The following GALNT7 variants were observed in gnomAD, a reference collection of about 807,000 sequenced individuals.
GALNT7 encodes the protein N-acetylgalactosaminyltransferase 7.
In GALNT7, 60 loss-of-function variants were observed where a neutral mutation model predicts 82.1. That is an observed-to-expected ratio of 0.73 (90% CI 0.59 to 0.91). GALNT7 has a LOEUF of 0.91. Among genes scored for constraint, GALNT7 ranks in the 40% least tolerant of loss-of-function variants. The pLI, the probability that GALNT7 is intolerant of heterozygous loss-of-function variation, is 0.00. For synonymous variants in GALNT7, 243 were observed against 275.1 expected (o/e 0.88, Z 1.15); for missense variants, 660 against 804.2 (o/e 0.82, Z 2.17).
At chr4:173,304,658 CAGA>C (rs1737078638) in intron 8 of GALNT7, among the ~76,000 whole-genome samples, 1 of 151,982 alleles carries the variant, frequency 6.6e-6, no homozygotes, top group South Asian at 2.1e-4. Context: ...TTGTTCCTAA[CAGA>C]AGTTTTGTGT....
chr4:173,175,116 G>T (rs116499981), intron 1 of GALNT7, among the ~76,000 whole-genome samples: 1 of 152,166 alleles, frequency 6.6e-6, no homozygotes, highest in African/African-American at 2.4e-5. Flanking sequence ...GAAGGAAAAT[G>T]ACTGTGATTA....
intron 2 of GALNT7, among the ~76,000 whole-genome samples, chr4:173,269,372 T>G (rs904408995): frequency 1.3e-5 from 2 of 152,180 alleles, no homozygotes; most frequent in African/African-American, 4.8e-5. Context: ...CCACCTCCTT[T>G]TATAGATACC....
chr4:173,222,845 A>G (rs796384617), intron 1 of GALNT7, among the ~76,000 whole-genome samples: 1 of 152,234 alleles, frequency 6.6e-6, no homozygotes, highest in Non-Finnish European at 1.5e-5. Context: ...GATGTTTTAA[A>G]TAAAATGACT....
chr4:173,181,641 G>C (rs941487818), intron 1 of GALNT7, among the ~76,000 whole-genome samples: 1 of 152,204 alleles, frequency 6.6e-6, no homozygotes, highest in African/African-American at 2.4e-5. Flanking sequence ...TGAAAGCACA[G>C]TTGTTAACTT....
chr4:173,304,347 T>C (rs551711729), intron 8 of GALNT7, among the ~76,000 whole-genome samples: 4 of 151,936 alleles, frequency 2.6e-5, no homozygotes, highest in African/African-American at 7.2e-5. Context: ...TGCAGTGAGC[T>C]ATGATTGCAC....
intron 1 of GALNT7, among the ~76,000 whole-genome samples, chr4:173,179,206 A>G (rs1732170834): frequency 1.3e-5 from 2 of 152,238 alleles, no homozygotes; most frequent in African/African-American, 4.8e-5. Flanking sequence ...TTATGTAAGT[A>G]TATCTTAAAT....
chr4:173,277,861 G>A (rs971593825), intron 2 of GALNT7, among the ~76,000 whole-genome samples: 2 of 152,142 alleles, frequency 1.3e-5, no homozygotes, highest in Non-Finnish European at 2.9e-5. Context: ...CATATTGAAA[G>A]TATTATAACT....
In GALNT7 at chr4:173,318,317, G is replaced by A. The variant is rs1737677666; in HGVS notation, c.1708-114G>A. On this transcript the variant is annotated intron_variant, in intron 10 of 11. Coordinates refer to ENST00000265000, the MANE Select transcript of GALNT7 (RefSeq NM_017423.3). ...GACTTACAGTTCTAAACAAAATTATGGAAAAATAAGTTAGTCATTCAATTT... is the reference window on the plus strand; with the variant it reads ...GACTTACAGTTCTAAACAAAATTATAGAAAAATAAGTTAGTCATTCAATTT... 8 of 754,456 alleles carry A rather than the reference G, an allele frequency of 1.1e-5. No individual in the cohort carries two copies. In the Admixed American group the frequency reaches 1.3e-4, roughly 12 times the overall value. The allele number at this position is 754,456 out of a possible 1,614,324, so 46.7% of individuals were successfully genotyped here. A position where few individuals can be genotyped will look rare whatever the true frequency, so the allele number is the denominator to read the frequency against.
At chr4:173,250,442 C>T (rs1734806398) in intron 2 of GALNT7, among the ~76,000 whole-genome samples, 1 of 152,000 alleles carries the variant, frequency 6.6e-6, no homozygotes, top group Admixed American at 6.6e-5. Flanking sequence ...GTGCCTTCCT[C>T]CCCTTCACCC....
intron 8 of GALNT7, among the ~76,000 whole-genome samples, chr4:173,311,491 A>T (rs1359431727): frequency 6.6e-6 from 1 of 152,254 alleles, no homozygotes; most frequent in Admixed American, 6.5e-5. Flanking sequence ...AAGAAAGCTC[A>T]GGAAGCTTCC....
At chr4:173,208,054 C>G (rs1012882137) in intron 1 of GALNT7, among the ~76,000 whole-genome samples, 2 of 151,574 alleles carry the variant, frequency 1.3e-5, no homozygotes, top group African/African-American at 4.9e-5. Context: ...TTTATGTGTT[C>G]CTATTGATTT....
chr4:173,274,068 T>C (rs751728629), intron 2 of GALNT7, among the ~76,000 whole-genome samples: 2 of 152,208 alleles, frequency 1.3e-5, no homozygotes, highest in Admixed American at 6.5e-5. Flanking sequence ...TATAAACATA[T>C]GGCTTACACT....
intron 8 of GALNT7, among the ~76,000 whole-genome samples, chr4:173,306,047 A>G (rs75451823): frequency 0.03 from 4,615 of 151,960 alleles, 238 homozygotes; most frequent in African/African-American, 0.11. Context: ...CTTTCCATTT[A>G]TTTTGTGTAT....
chr4:173,291,936 A>G (rs1561192254), intron 2 of GALNT7, among the ~76,000 whole-genome samples, 172 bp from the exon 3 acceptor site: 3 of 152,228 alleles, frequency 2.0e-5, no homozygotes, highest in African/African-American at 2.4e-5. Flanking sequence ...ACTTTATCTC[A>G]TAACAGCTTC....
chr4:173,309,840 A>G (rs915317579), intron 8 of GALNT7, among the ~76,000 whole-genome samples: 1 of 152,230 alleles, frequency 6.6e-6, no homozygotes, highest in Non-Finnish European at 1.5e-5. Flanking sequence ...AATTAACACC[A>G]GGCATGATTG....
intron 1 of GALNT7, among the ~76,000 whole-genome samples, chr4:173,244,617 A>C (rs923966316): frequency 6.6e-6 from 1 of 152,150 alleles, no homozygotes; most frequent in Non-Finnish European, 1.5e-5. Flanking sequence ...TACCTAACTC[A>C]TGGGATTGAA....
intron 8 of GALNT7, among the ~76,000 whole-genome samples, chr4:173,313,595 A>G (rs185736376): frequency 2.0e-5 from 3 of 151,638 alleles, no homozygotes; most frequent in Admixed American, 2.0e-4. Flanking sequence ...AAGAAAAGAA[A>G]AGAAAGAGAT....
At chr4:173,178,277 A>G (rs904860360) in intron 1 of GALNT7, among the ~76,000 whole-genome samples, 3 of 152,140 alleles carry the variant, frequency 2.0e-5, no homozygotes, top group Non-Finnish European at 4.4e-5. Context: ...TAGTACATTA[A>G]TTTGACTGAA....
At chr4:173,203,234 C>T (rs1299343389) in intron 1 of GALNT7, among the ~76,000 whole-genome samples, 3 of 152,168 alleles carry the variant, frequency 2.0e-5, no homozygotes, top group African/African-American at 7.2e-5. Context: ...GCTGGGACTA[C>T]AGGCGCCCGC....
Sources: allele counts gnomAD v4.1 joint callset (sites outside exome capture counted in the v4.1 genomes callset), GRCh38; gene constraint gnomAD v4.1.1; transcripts MANE v1.5; gene names NCBI Gene and HGNC (gene_info 2026-07-23, HGNC 2026-07-21).